The following BTBD10 variants were observed in gnomAD, a reference collection of about 807,000 sequenced individuals.
The protein encoded by BTBD10 is BTB domain containing 10, also known as BTB/POZ domain-containing protein 10.
In BTBD10, 21 loss-of-function variants were observed where a neutral mutation model predicts 53.2. The observed-to-expected ratio is 0.39, with a 90% CI of 0.28 to 0.57. The LOEUF (loss-of-function observed/expected upper bound fraction) is 0.57. Among genes scored for constraint, BTBD10 ranks in the 20% least tolerant of loss-of-function variants. The pLI, the probability that BTBD10 is intolerant of heterozygous loss-of-function variation, is 0.53. For synonymous variants in BTBD10, 149 were observed against 192.7 expected, an observed-to-expected ratio of 0.77 and a Z score of 1.88; for missense variants, 360 against 594.7, an observed-to-expected ratio of 0.61 and a Z score of 4.10.
At chr11:13,408,939 A>T (rs1240017674) in intron 6 of BTBD10, among the ~76,000 whole-genome samples, 1 of 152,204 alleles carries the variant, frequency 6.6e-6, no homozygotes, top group Non-Finnish European at 1.5e-5. Flanking sequence ...AGCACTGAAC[A>T]ACTCTACACT....
In BTBD10 at chr11:13,388,882, G is replaced by A; in HGVS notation, c.1377C>T (p.Pro459=). The A allele has an allele frequency of 6.2e-7, 1 of 1,614,074 alleles. No individual in the cohort carries two copies. The highest frequency in any genetic ancestry group is 8.5e-7 in the Non-Finnish European group (1 of 1,179,972). Residue 459 remains proline, a synonymous_variant, in exon 9 of 9, where the codon CCC becomes CCT. Coordinates refer to ENST00000278174, the MANE Select transcript of BTBD10 (RefSeq NM_032320.7). ...GATCGAGGTCACTGTTGCCAGAAGG[G>A]GGATGGATAGGGAGAATATCCAGCT... The part of the protein sequence containing the change: ...VDELDILPIH[P]PSGNSDLDPD...
chr11:13,405,889 A>T (rs752947224), intron 6 of BTBD10, 33 bp from the exon 7 acceptor site: 2 of 1,598,354 alleles, frequency 1.3e-6, no homozygotes, highest in Non-Finnish European at 1.7e-6. Context: ...ATCTTACCAA[A>T]ACTTTTCCTA....
chr11:13,439,920 C>T, intron 2 of BTBD10: 1 of 1,534,048 alleles, frequency 6.5e-7, no homozygotes, highest in Non-Finnish European at 8.7e-7. Context: ...CACACAAAAA[C>T]AAGAAAAAAA....
intron 2 of BTBD10, among the ~76,000 whole-genome samples, chr11:13,438,582 T>C (rs1341956917): frequency 6.6e-6 from 1 of 151,994 alleles, no homozygotes; most frequent in African/African-American, 2.4e-5. Flanking sequence ...TTCTTTTTTT[T>C]CAAGGATAGG....
At chr11:13,460,421 CT>C (rs1255539147) in intron 1 of BTBD10, among the ~76,000 whole-genome samples, 1 of 152,180 alleles carries the variant, frequency 6.6e-6, no homozygotes, top group Non-Finnish European at 1.5e-5. Flanking sequence ...GCTTTGACCT[CT>C]AGCACTCCCA....
At chr11:13,443,249 C>CAA (rs1162241407) in intron 2 of BTBD10, among the ~76,000 whole-genome samples, 1 of 123,244 alleles carries the variant, frequency 8.1e-6, no homozygotes, top group Non-Finnish European at 1.7e-5. Context: ...GAACCCATTT[C>CAA]AAAAAAAAAA....
At chr11:13,436,293 T>C (rs989956036) in intron 2 of BTBD10, among the ~76,000 whole-genome samples, 1 of 152,212 alleles carries the variant, frequency 6.6e-6, no homozygotes, top group Non-Finnish European at 1.5e-5. Flanking sequence ...TAATTCTTTG[T>C]TGTAAAAAGG....
chr11:13,450,348 A>G (rs1156516975), intron 1 of BTBD10, among the ~76,000 whole-genome samples: 4 of 152,190 alleles, frequency 2.6e-5, no homozygotes, highest in Non-Finnish European at 1.5e-5. Context: ...CAGACAAAAG[A>G]GTAAATACCT....
At chr11:13,418,703 A>T (rs1414986060) in intron 4 of BTBD10, among the ~76,000 whole-genome samples, 1 of 152,176 alleles carries the variant, frequency 6.6e-6, no homozygotes, top group Non-Finnish European at 1.5e-5. Context: ...TACATATGCA[A>T]TCTAGTAAAG....
chr11:13,453,401 G>A (rs1822485572), intron 1 of BTBD10, among the ~76,000 whole-genome samples: 1 of 152,144 alleles, frequency 6.6e-6, no homozygotes, highest in Middle Eastern at 3.2e-3. Flanking sequence ...AGTTGCCTCT[G>A]AGAAAATGCT....
chr11:13,397,801 C>T (rs1365466462), intron 8 of BTBD10, among the ~76,000 whole-genome samples: 1 of 152,024 alleles, frequency 6.6e-6, no homozygotes, highest in East Asian at 1.9e-4. Flanking sequence ...CGTTATGTAC[C>T]CAGTAGTCAT....
intron 1 of BTBD10, among the ~76,000 whole-genome samples, chr11:13,457,372 C>T (rs925515623): frequency 3.9e-5 from 6 of 152,028 alleles, no homozygotes; most frequent in African/African-American, 7.2e-5. Flanking sequence ...CTAAAACAAT[C>T]GGAATGTGCA....
intron 8 of BTBD10, among the ~76,000 whole-genome samples, chr11:13,396,933 T>C (rs1038370332): frequency 1.3e-5 from 2 of 152,200 alleles, no homozygotes; most frequent in Non-Finnish European, 2.9e-5. Flanking sequence ...TGTTGCTGGA[T>C]TCGGTTTGCC....
chr11:13,439,763 T>C (rs1182504055), intron 2 of BTBD10: 1 of 731,472 alleles, frequency 1.4e-6, no homozygotes. Flanking sequence ...ATCTTTATCT[T>C]TAGTCATGTA....
intron 1 of BTBD10, among the ~76,000 whole-genome samples, chr11:13,454,456 C>T (rs1163071285): frequency 6.6e-6 from 1 of 152,150 alleles, no homozygotes; most frequent in East Asian, 1.9e-4. Flanking sequence ...AAGGCTTGAC[C>T]TTTTCTGATT....
At chr11:13,431,873 T>C (rs940421800) in intron 2 of BTBD10, among the ~76,000 whole-genome samples, 2 of 152,112 alleles carry the variant, frequency 1.3e-5, no homozygotes, top group African/African-American at 4.8e-5. Context: ...TCAATGAAAC[T>C]AGAGACTCCT....
At position 13,438,292 on chromosome 11, in the gene BTBD10, T is replaced by C. The variant is rs186424678; in HGVS notation, c.101+6732A>G. 4.6e-3 allele frequency among the ~76,000 whole-genome samples: 707 copies of C among 152,208 alleles called. 3 individuals are homozygous for C. Among genetic ancestry groups the C allele is most frequent in the South Asian group, 0.018 (89 of 4,828 alleles). On this transcript the variant is annotated intron_variant, in intron 2 of 8. Coordinates refer to ENST00000278174, the MANE Select transcript of BTBD10 (RefSeq NM_032320.7). ...GCTATTTGCTTTGCTTTAAAAGTAA[T>C]GTGTATGTCTTTAAAGGGTTCACTG...
chr11:13,461,878 T>C lies in BTBD10; in HGVS notation c.-58+1214A>G, dbSNP rs76258993. ...GTTAGGTCATACACGCTGAGAAATA[T>C]TGGGAAAATTTATAAAACACATTTA... is the stretch of plus-strand genomic sequence containing the variant. On this transcript the variant is annotated intron_variant, in intron 1 of 8. Coordinates refer to ENST00000278174, the MANE Select transcript of BTBD10 (RefSeq NM_032320.7). 1.4e-3 allele frequency among the ~76,000 whole-genome samples: 210 copies of C among 152,276 alleles called. 5 individuals are homozygous for C. The East Asian group carries it at 0.035, about 25-fold the overall frequency.
At chr11:13,415,254 A>C (rs1950073681) in intron 5 of BTBD10, among the ~76,000 whole-genome samples, 1 of 152,002 alleles carries the variant, frequency 6.6e-6, no homozygotes, top group Non-Finnish European at 1.5e-5. Context: ...TGGAGGCCAA[A>C]AGAATGAGGG....
Sources: allele counts gnomAD v4.1 joint callset (sites outside exome capture counted in the v4.1 genomes callset), GRCh38; gene constraint gnomAD v4.1.1; transcripts MANE v1.5; gene names NCBI Gene and HGNC (gene_info 2026-07-23, HGNC 2026-07-21).